FOXK2: variants seen among roughly 807,000 people sequenced by gnomAD.
FOXK2 encodes forkhead box protein K2.
In FOXK2, 24 loss-of-function variants were observed where a neutral mutation model predicts 53.3. The observed-to-expected ratio is 0.45, with a 90% CI of 0.33 to 0.63. The LOEUF is 0.63. Ranked by LOEUF, FOXK2 falls within the 30% of genes least tolerant of loss-of-function variation. The pLI is 0.03. For synonymous variants in FOXK2, 505 were observed against 407.1 expected (o/e 1.24, Z -2.89); for missense variants, 952 against 910.5 (o/e 1.05, Z -0.59).
intron 1 of FOXK2, among the ~76,000 whole-genome samples, chr17:82,536,583 ACT>A (rs2044522793): frequency 6.6e-6 from 1 of 152,046 alleles, no homozygotes; most frequent in Admixed American, 6.6e-5. Context: ...AATGCCAGGA[ACT>A]CTTACAGTCT....
At chr17:82,557,853 A>G (rs780061177) in intron 1 of FOXK2, among the ~76,000 whole-genome samples, 1 of 151,990 alleles carries the variant, frequency 6.6e-6, no homozygotes, top group East Asian at 2.0e-4. Flanking sequence ...GGGTCTTGCT[A>G]TGTTACTGAT....
At chr17:82,585,545 C>G (rs1265619037) in intron 6 of FOXK2, among the ~76,000 whole-genome samples, 4 of 152,132 alleles carry the variant, frequency 2.6e-5, no homozygotes, top group African/African-American at 9.7e-5. Context: ...CAAACTCCTC[C>G]CACCTCAGCC....
chr17:82,594,326 G>C (rs1020561271), intron 8 of FOXK2, among the ~76,000 whole-genome samples: 1 of 152,100 alleles, frequency 6.6e-6, no homozygotes, highest in Non-Finnish European at 1.5e-5. Context: ...GTGAAACCCT[G>C]TCTCCACCAA....
intron 1 of FOXK2, among the ~76,000 whole-genome samples, chr17:82,531,770 G>A (rs1309940450): frequency 6.6e-6 from 1 of 152,212 alleles, no homozygotes; most frequent in African/African-American, 2.4e-5. Flanking sequence ...GTGAGTAAAT[G>A]GTGAGTGAAT....
Position 82,603,640 on chromosome 17 carries a change from A to G in FOXK2, c.*2141A>G, listed in dbSNP as rs1294907320. ...TCTGATCCTGGAACGTGGACTTCAC[A>G]TGATAGGTCTGGATCTGTTTCTGTT... On this transcript the variant is annotated 3_prime_UTR_variant, in exon 9 of 9. Transcript: ENST00000335255. 6.6e-6 allele frequency: 1 copy of G among 152,098 alleles called. No homozygotes were observed. Among genetic ancestry groups the G allele is most frequent in the Non-Finnish European group, 1.5e-5 (1 of 68,034 alleles). The allele number at this position is 152,098 out of a possible 1,614,324, so 9.4% of individuals were successfully genotyped here.
chr17:82,533,444 C>A (rs2044491052), intron 1 of FOXK2, among the ~76,000 whole-genome samples: 1 of 151,820 alleles, frequency 6.6e-6, no homozygotes, highest in East Asian at 1.9e-4. Context: ...GAGCCGAGAC[C>A]GTGCCACTGC....
At chr17:82,564,005 G>A (rs896522639) in intron 2 of FOXK2, among the ~76,000 whole-genome samples, 1 of 151,672 alleles carries the variant, frequency 6.6e-6, no homozygotes, top group African/African-American at 2.4e-5. Context: ...GCCCACCTCA[G>A]CCTCTCCAAG....
chr17:82,543,523 CT>C (rs2144077261), intron 1 of FOXK2, among the ~76,000 whole-genome samples: 1 of 152,342 alleles, frequency 6.6e-6, no homozygotes, highest in East Asian at 1.9e-4. Flanking sequence ...GCTTTTGCCT[CT>C]TCTGGCAGCT....
At chr17:82,556,807 C>T (rs2044730478) in intron 1 of FOXK2, among the ~76,000 whole-genome samples, 1 of 151,814 alleles carries the variant, frequency 6.6e-6, no homozygotes, top group Non-Finnish European at 1.5e-5. Flanking sequence ...AGCGATTCTT[C>T]AGCCTCAGCC....
At chr17:82,526,416 A>T (rs777832673) in intron 1 of FOXK2, among the ~76,000 whole-genome samples, 2 of 152,128 alleles carry the variant, frequency 1.3e-5, no homozygotes, top group Non-Finnish European at 2.9e-5. Context: ...ATAAGGAAGG[A>T]GTGGAGGTAG....
chr17:82,601,783 C>A lies in FOXK2; in HGVS notation c.*284C>A. The A allele has an allele frequency of 3.0e-6, 1 of 333,580 alleles. No homozygotes were observed. Among genetic ancestry groups the A allele is most frequent in the East Asian group, 4.8e-5 (1 of 20,620 alleles). 20.7% of individuals were successfully genotyped at this position (333,580 alleles called of 1,614,324 possible). Reference sequence around the variant, plus strand: ...ACTCTGTCCTCCCGCGAGGACCAGGCATCGCTGTGTGAGGACGGCACGGCC... The same window carrying A: ...ACTCTGTCCTCCCGCGAGGACCAGGAATCGCTGTGTGAGGACGGCACGGCC... On this transcript the variant is annotated 3_prime_UTR_variant, in exon 9 of 9. Coordinates refer to ENST00000335255, the MANE Select transcript of FOXK2 (RefSeq NM_004514.4).
rs149135118 is a variant in FOXK2, at chr17:82,585,938, C to T, written c.1314C>T (p.Thr438=). 4.3e-4 allele frequency: 696 copies of T among 1,612,542 alleles called. No individual in the cohort carries two copies. The highest frequency in any genetic ancestry group is 4.8e-4 in the Non-Finnish European group (566 of 1,179,742). The change falls in exon 7 of 9, where the codon ACC becomes ACT. Residue 438 remains threonine (T), a synonymous_variant. Transcript: ENST00000335255. The part of the protein sequence containing the change: ...SPLSSQPVLI[T]VQRQLPQAIK... ...TGTCCAGTCAGCCAGTCTTAATCAC[C>T]GTCCAGCGGCAGCTACCACAGGCCA...
At chr17:82,565,645 A>G (rs997995636) in intron 2 of FOXK2, among the ~76,000 whole-genome samples, 1 of 152,178 alleles carries the variant, frequency 6.6e-6, no homozygotes, top group Non-Finnish European at 1.5e-5. Context: ...ATTAAAAACA[A>G]AAAACCCAGA....
intron 1 of FOXK2, among the ~76,000 whole-genome samples, chr17:82,561,592 C>A (rs776571562): frequency 6.6e-6 from 1 of 152,080 alleles, no homozygotes; most frequent in Non-Finnish European, 1.5e-5. Flanking sequence ...ACACCAAGAC[C>A]GTGGGGAGGA....
At chr17:82,561,954 G>A (rs1406318070) in intron 1 of FOXK2, among the ~76,000 whole-genome samples, 1 of 152,026 alleles carries the variant, frequency 6.6e-6, no homozygotes, top group African/African-American at 2.4e-5. Context: ...GCCGGGCTGA[G>A]TCCCGCGCCG....
intron 8 of FOXK2, 152 bp downstream of exon 8, chr17:82,587,424 G>C (rs1241230400): frequency 1.5e-6 from 1 of 680,230 alleles, no homozygotes; most frequent in South Asian, 1.7e-5. Flanking sequence ...AGTCATGCTG[G>C]GGAAGTGGTC....
chr17:82,579,224 T>C (rs1358798400), intron 4 of FOXK2, among the ~76,000 whole-genome samples: 2 of 152,216 alleles, frequency 1.3e-5, no homozygotes, highest in Admixed American at 1.3e-4. Flanking sequence ...ACCTTCTACT[T>C]CACACTTAAA....
intron 1 of FOXK2, among the ~76,000 whole-genome samples, chr17:82,526,034 T>A (rs561404144): frequency 6.6e-5 from 10 of 152,280 alleles, no homozygotes; most frequent in Admixed American, 1.3e-4. Context: ...TCCCTCACTT[T>A]CTTTCTTATG....
At chr17:82,571,342 C>T (rs777058122) in intron 3 of FOXK2, among the ~76,000 whole-genome samples, 1 of 152,014 alleles carries the variant, frequency 6.6e-6, no homozygotes, top group Admixed American at 6.6e-5. Flanking sequence ...GGCTCACACC[C>T]GTAATCCCAG....
Sources: allele counts gnomAD v4.1 joint callset (sites outside exome capture counted in the v4.1 genomes callset), GRCh38; gene constraint gnomAD v4.1.1; transcripts MANE v1.5; gene names NCBI Gene and HGNC (gene_info 2026-07-23, HGNC 2026-07-21).